RMND5A: variants seen among roughly 807,000 people sequenced by gnomAD.
RMND5A encodes the protein required for meiotic nuclear division 5 homolog A, also known as E3 ubiquitin-protein transferase RMND5A.
RMND5A carries 17 observed loss-of-function variants against 49.7 expected under a neutral mutation model. The observed-to-expected ratio is 0.34, with a 90% CI of 0.23 to 0.51. RMND5A has a LOEUF of 0.51. RMND5A is among the 20% of genes least tolerant of loss of function. The pLI, the probability that RMND5A is intolerant of heterozygous loss-of-function variation, is 0.96. For synonymous variants in RMND5A, 156 were observed against 167.7 expected (o/e 0.93, Z 0.54); for missense variants, 255 against 471.3 (o/e 0.54, Z 4.25).
At chr2:86,767,183 C>T (rs1672612870) in intron 6 of RMND5A, among the ~76,000 whole-genome samples, 1 of 151,964 alleles carries the variant, frequency 6.6e-6, no homozygotes. Context: ...CCTGCCTCAG[C>T]CTCTGGAGTA....
intron 4 of RMND5A, 130 bp from the exon 5 acceptor site, chr2:86,764,897 A>G: frequency 1.3e-6 from 1 of 784,450 alleles, no homozygotes; most frequent in South Asian, 2.0e-5. Flanking sequence ...GGCCCTAGGG[A>G]TTGATGTTAC....
chr2:86,758,878 A>G (rs1401719976), intron 4 of RMND5A, among the ~76,000 whole-genome samples: 1 of 152,174 alleles, frequency 6.6e-6, no homozygotes, highest in Non-Finnish European at 1.5e-5. Flanking sequence ...CCATTCTCTG[A>G]ATTTTTTTAA....
chr2:86,767,117 G>C (rs1207099330), intron 6 of RMND5A, among the ~76,000 whole-genome samples: 1 of 152,132 alleles, frequency 6.6e-6, no homozygotes, highest in Non-Finnish European at 1.5e-5. Flanking sequence ...TGGCTGGAGT[G>C]TAGTGGCGCA....
chr2:86,754,088 A>G (rs1681688559), intron 4 of RMND5A, among the ~76,000 whole-genome samples: 1 of 152,260 alleles, frequency 6.6e-6, no homozygotes, highest in African/African-American at 2.4e-5. Flanking sequence ...AGCTATAATA[A>G]ATATTATTCT....
At chr2:86,732,298 T>C (rs1681344541) in intron 1 of RMND5A, among the ~76,000 whole-genome samples, 1 of 150,216 alleles carries the variant, frequency 6.7e-6, no homozygotes, top group Admixed American at 6.6e-5. Context: ...ACAGTGTGTT[T>C]GTGCAGTTGA....
intron 1 of RMND5A, among the ~76,000 whole-genome samples, chr2:86,721,833 A>G (rs1681231826): frequency 6.8e-6 from 1 of 147,396 alleles, no homozygotes; most frequent in African/African-American, 2.6e-5. Context: ...TATTTGTGGC[A>G]GGTGAGATGA....
At chr2:86,728,323 T>C (rs1482301537) in intron 1 of RMND5A, among the ~76,000 whole-genome samples, 1 of 73,684 alleles carries the variant, frequency 1.4e-5, no homozygotes, top group African/African-American at 5.2e-5. Context: ...CTTTTTTTTT[T>C]TTTTTGGAGA....
At chr2:86,754,241 C>T (rs994119070) in intron 4 of RMND5A, among the ~76,000 whole-genome samples, 3 of 152,318 alleles carry the variant, frequency 2.0e-5, no homozygotes, top group Admixed American at 2.0e-4. Flanking sequence ...TGGCCATCTG[C>T]TATACAAAAC....
At position 86,776,661 on chromosome 2, in the gene RMND5A, C is replaced by T. The variant is rs1181990545; in HGVS notation, c.*3250C>T. ...AAGCTGCTGGTAGACTACATTAGCCCTCTGGTTTTCCAGCTCAACCTCTGA... is the reference window on the plus strand; with the variant it reads ...AAGCTGCTGGTAGACTACATTAGCCTTCTGGTTTTCCAGCTCAACCTCTGA... On this transcript the variant is annotated 3_prime_UTR_variant, in exon 9 of 9. Coordinates refer to ENST00000283632, the MANE Select transcript of RMND5A (RefSeq NM_022780.4). 1 of 152,220 alleles carries T rather than the reference C, an allele frequency of 6.6e-6. No homozygotes were observed. Among genetic ancestry groups the T allele is most frequent in the East Asian group, 1.9e-4 (1 of 5,202 alleles). The allele number at this position is 152,220 out of a possible 1,614,324, so 9.4% of individuals were successfully genotyped here. A position where few individuals can be genotyped will look rare whatever the true frequency, so the allele number is the denominator to read the frequency against.
chr2:86,743,148 T>C (rs1158041076), intron 2 of RMND5A, among the ~76,000 whole-genome samples: 1 of 152,168 alleles, frequency 6.6e-6, no homozygotes, highest in South Asian at 2.1e-4. Flanking sequence ...TTTATAGATA[T>C]TCATAAGGGT....
At chr2:86,747,079 C>T (rs979892727) in intron 2 of RMND5A, among the ~76,000 whole-genome samples, 8 of 152,176 alleles carry the variant, frequency 5.3e-5, no homozygotes, top group Admixed American at 5.2e-4. Context: ...ATCAGCTTTA[C>T]TAGGTATTGT....
At chr2:86,764,971 T>TA in intron 4 of RMND5A, 56 bp from the exon 5 acceptor site, 1 of 1,527,090 alleles carries the variant, frequency 6.5e-7, no homozygotes, top group Non-Finnish European at 8.8e-7. Context: ...CAAATAGTTT[T>TA]TAAGACACCT....
In RMND5A at chr2:86,776,642, C is replaced by G. The variant is rs1421121841; in HGVS notation, c.*3231C>G. 1 of 152,208 alleles carries G rather than the reference C, an allele frequency of 6.6e-6. No homozygotes were observed. The highest frequency in any genetic ancestry group is 2.4e-5 in the African/African-American group (1 of 41,462). The allele number at this position is 152,208 out of a possible 1,614,324, so 9.4% of individuals were successfully genotyped here. On this transcript the variant is annotated 3_prime_UTR_variant, in exon 9 of 9. Coordinates refer to ENST00000283632, the MANE Select transcript of RMND5A (RefSeq NM_022780.4). ...AACTCTTGGTTATCCGCACAAGCTGCTGGTAGACTACATTAGCCCTCTGGT... is the reference window on the plus strand; with the variant it reads ...AACTCTTGGTTATCCGCACAAGCTGGTGGTAGACTACATTAGCCCTCTGGT...
chr2:86,763,886 A>G (rs1672547058), intron 4 of RMND5A, among the ~76,000 whole-genome samples: 1 of 152,204 alleles, frequency 6.6e-6, no homozygotes, highest in African/African-American at 2.4e-5. Flanking sequence ...AATTTAGGTA[A>G]ATATTTCCAA....
intron 6 of RMND5A, 31 bp from the exon 7 acceptor site, chr2:86,769,992 G>A: frequency 6.4e-7 from 1 of 1,551,536 alleles, no homozygotes; most frequent in East Asian, 2.2e-5. Flanking sequence ...CCCCTGGCCT[G>A]GCACTGACGT....
chr2:86,765,614 T>TA (rs1672577152), intron 5 of RMND5A: 1 of 431,406 alleles, frequency 2.3e-6, no homozygotes, highest in South Asian at 3.3e-5. Flanking sequence ...TAATGGTAAT[T>TA]ATACTATGCT....
chr2:86,758,985 CAA>C (rs1278537118), intron 4 of RMND5A, among the ~76,000 whole-genome samples: 2 of 152,120 alleles, frequency 1.3e-5, no homozygotes, highest in Admixed American at 1.3e-4. Flanking sequence ...CTTTTACCCC[CAA>C]GAGTATAGCC....
chr2:86,761,281 TAGAATAGTGA>T (rs1488924340), intron 4 of RMND5A, among the ~76,000 whole-genome samples: 1 of 152,156 alleles, frequency 6.6e-6, no homozygotes, highest in African/African-American at 2.4e-5. Flanking sequence ...GCAAGAGGCA[TAGAATAGTGA>T]AGAATAGTGA....
At chr2:86,755,091 A>G (rs1681708347) in intron 4 of RMND5A, among the ~76,000 whole-genome samples, 1 of 151,922 alleles carries the variant, frequency 6.6e-6, no homozygotes, top group Non-Finnish European at 1.5e-5. Flanking sequence ...ACACCTCTTA[A>G]ACAAAATATG....
Sources: gnomAD v4.1 joint callset for allele counts (sites outside exome capture counted in the v4.1 genomes callset) on GRCh38, gnomAD v4.1.1 for gene constraint, MANE v1.5 for transcripts, NCBI Gene and HGNC (gene_info 2026-07-23, HGNC 2026-07-21) for gene names.